The following CHRDL1 variants were observed in gnomAD, a reference collection of about 807,000 sequenced individuals.
The protein encoded by CHRDL1 is chordin like 1, also known as chordin-like protein 1.
In CHRDL1, 19 loss-of-function variants were observed where a neutral mutation model predicts 40.9. The observed-to-expected ratio is 0.46, with a 90% confidence interval of 0.32 to 0.68. The LOEUF (loss-of-function observed/expected upper bound fraction) is 0.68, where lower values mean the gene tolerates loss of function less well. Ranked by LOEUF, CHRDL1 falls within the 30% of genes least tolerant of loss-of-function variation. The probability of loss-of-function intolerance (pLI) is 0.03; values close to 1 mark genes in which losing one functional copy is unlikely to be tolerated. For missense variants in CHRDL1, 329 were observed against 352.1 expected (o/e 0.93, Z 0.53); for synonymous variants, 136 against 123.4 (o/e 1.10, Z -0.68).
chrX:110,729,307 T>C (rs2071115156), intron 4 of CHRDL1, among the ~76,000 whole-genome samples: 1 of 110,972 alleles, frequency 9.0e-6, no homozygotes, highest in Admixed American at 9.6e-5. Flanking sequence ...TGCCTACCTT[T>C]AGATTTCTTT....
chrX:110,793,700 C>T (rs2090138467), intron 1 of CHRDL1, among the ~76,000 whole-genome samples: 1 of 112,541 alleles, frequency 8.9e-6, no homozygotes, highest in South Asian at 3.7e-4. Context: ...TTTTTAACCA[C>T]TGAAATCCAA....
intron 4 of CHRDL1, among the ~76,000 whole-genome samples, chrX:110,759,061 T>C (rs1299259519): frequency 1.8e-5 from 2 of 111,763 alleles, no homozygotes; most frequent in African/African-American, 3.3e-5. Context: ...CTCAGACAAA[T>C]ACCGTAGCTG....
chrX:110,770,816 G>A (rs951785385), intron 2 of CHRDL1, among the ~76,000 whole-genome samples: 2 of 111,794 alleles, frequency 1.8e-5, no homozygotes, highest in African/African-American at 6.5e-5. Flanking sequence ...TTAATTCTTT[G>A]AAAGACACAC....
intron 1 of CHRDL1, among the ~76,000 whole-genome samples, chrX:110,793,547 A>C (rs968866608): frequency 2.7e-5 from 3 of 111,833 alleles, no homozygotes; most frequent in African/African-American, 9.8e-5. Flanking sequence ...AATCACTCAG[A>C]ATGTTACTGT....
intron 9 of CHRDL1, among the ~76,000 whole-genome samples, chrX:110,687,265 CAGT>C (rs2070044797): frequency 9.0e-6 from 1 of 111,692 alleles, no homozygotes; most frequent in Non-Finnish European, 1.9e-5. Context: ...GGGCCTACAG[CAGT>C]AGTTCTCAAA....
chrX:110,751,040 C>T (rs1189010430), intron 4 of CHRDL1, among the ~76,000 whole-genome samples: 1 of 111,350 alleles, frequency 9.0e-6, no homozygotes, highest in East Asian at 2.8e-4. Flanking sequence ...CCCCTGGGCC[C>T]TATTACTGTA....
chrX:110,711,098 A>G (rs764739541), intron 6 of CHRDL1, among the ~76,000 whole-genome samples: 1 of 111,623 alleles, frequency 9.0e-6, no homozygotes, highest in East Asian at 2.8e-4. Context: ...GTAAATAGTC[A>G]TTTTACTATA....
At chrX:110,781,342 G>C (rs2089939089) in intron 2 of CHRDL1, among the ~76,000 whole-genome samples, 1 of 111,348 alleles carries the variant, frequency 9.0e-6, no homozygotes, top group Non-Finnish European at 1.9e-5. Context: ...GGCATTACTA[G>C]GTTAGCATAA....
chrX:110,677,920 C>T (rs374981477), intron 11 of CHRDL1, among the ~76,000 whole-genome samples: 123 of 111,320 alleles, frequency 1.1e-3, no homozygotes, highest in African/African-American at 3.8e-3. Flanking sequence ...ATTCCAAACT[C>T]GTTTCTCTCT....
chrX:110,720,959 G>A (rs1247933318), intron 5 of CHRDL1, among the ~76,000 whole-genome samples: 1 of 112,016 alleles, frequency 8.9e-6, no homozygotes, highest in Admixed American at 9.5e-5. Flanking sequence ...AAATACTTCA[G>A]ATATGGGAAC....
chrX:110,794,573 A>G (rs753648568), intron 1 of CHRDL1, among the ~76,000 whole-genome samples: 1 of 112,865 alleles, frequency 8.9e-6, no homozygotes, highest in Non-Finnish European at 1.9e-5. Flanking sequence ...AGGTGCTTCC[A>G]TGAAACAAGC....
intron 4 of CHRDL1, among the ~76,000 whole-genome samples, chrX:110,750,509 T>C (rs2089337657): frequency 8.9e-6 from 1 of 112,371 alleles, no homozygotes; most frequent in Non-Finnish European, 1.9e-5. Flanking sequence ...TAAAATACCC[T>C]AGATGTGACT....
At chrX:110,792,032 C>A in intron 2 of CHRDL1, 56 bp downstream of exon 2, 1 of 740,570 alleles carries the variant, frequency 1.4e-6, no homozygotes, top group Non-Finnish European at 2.0e-6. Flanking sequence ...AGATTATAGC[C>A]ACATTTTCAA....
At chrX:110,703,426 TG>T (rs941603152) in intron 6 of CHRDL1, among the ~76,000 whole-genome samples, 3 of 112,282 alleles carry the variant, frequency 2.7e-5, no homozygotes, top group Non-Finnish European at 5.6e-5. Flanking sequence ...CTGAACTCTG[TG>T]GAAACCCTGA....
chrX:110,690,640 T>C (rs999836221), intron 8 of CHRDL1, among the ~76,000 whole-genome samples: 3 of 110,838 alleles, frequency 2.7e-5, no homozygotes, highest in African/African-American at 9.9e-5. Context: ...TATATAAGTA[T>C]GGAGCTTAAT....
At chrX:110,726,587 G>A (rs1182204486) in intron 4 of CHRDL1, among the ~76,000 whole-genome samples, 1 of 112,109 alleles carries the variant, frequency 8.9e-6, no homozygotes, top group Admixed American at 9.5e-5. Context: ...GCATGTCTTG[G>A]TTCTGTGATC....
intron 4 of CHRDL1, among the ~76,000 whole-genome samples, chrX:110,741,089 T>C (rs1018581792): frequency 8.9e-6 from 1 of 111,748 alleles, no homozygotes; most frequent in Non-Finnish European, 1.9e-5. Context: ...AAATCCAATG[T>C]GCACTGCCAC....
chrX:110,701,545 G>C (rs997093417), intron 6 of CHRDL1, among the ~76,000 whole-genome samples: 6 of 111,921 alleles, frequency 5.4e-5, no homozygotes, highest in Non-Finnish European at 1.1e-4. Context: ...CGGGTGCAGT[G>C]GGTCATGCCT....
At chrX:110,726,842 A>G (rs757590819) in intron 4 of CHRDL1, among the ~76,000 whole-genome samples, 3 of 112,210 alleles carry the variant, frequency 2.7e-5, no homozygotes, top group African/African-American at 9.7e-5. Context: ...GGTAGGTGCT[A>G]TGGAGACATG....
Sources: allele counts gnomAD v4.1 joint callset (sites outside exome capture counted in the v4.1 genomes callset), GRCh38; gene constraint gnomAD v4.1.1; transcripts MANE v1.5; gene names NCBI Gene and HGNC (gene_info 2026-07-23, HGNC 2026-07-21).